Variants in NIPAL2 observed in about 807,000 individuals in gnomAD.
The protein encoded by NIPAL2 is NIPA like domain containing 2.
In NIPAL2, 43 loss-of-function variants were observed where a neutral mutation model predicts 48.9. The observed-to-expected ratio is 0.88, with a 90% CI of 0.69 to 1.13. The LOEUF is 1.13. Ranked by LOEUF, NIPAL2 falls within the 50% of genes most tolerant of loss-of-function variation. NIPAL2 has a pLI of 0.00. For synonymous variants in NIPAL2, 167 were observed against 174.6 expected, an observed-to-expected ratio of 0.96 and a Z score of 0.34; for missense variants, 446 against 461.4, an observed-to-expected ratio of 0.97 and a Z score of 0.31.
intron 4 of NIPAL2, among the ~76,000 whole-genome samples, chr8:98,234,189 G>A (rs557896190): frequency 2.4e-4 from 36 of 152,212 alleles, no homozygotes; most frequent in African/African-American, 8.4e-4. Context: ...TGTCAGCAAT[G>A]CTGATTCAGA....
At chr8:98,276,171 C>A (rs943069837) in intron 1 of NIPAL2, among the ~76,000 whole-genome samples, 2 of 152,072 alleles carry the variant, frequency 1.3e-5, no homozygotes, top group South Asian at 2.1e-4. Flanking sequence ...GGTAAATGTA[C>A]AATGACATGT....
chr8:98,254,184 A>G, intron 1 of NIPAL2, 97 bp from the exon 2 acceptor site: 1 of 933,028 alleles, frequency 1.1e-6, no homozygotes, highest in Non-Finnish European at 1.7e-6. Context: ...TCAGTAATTC[A>G]GCTTTAGCCT....
At chr8:98,280,792 A>AGAGAGAGAGAGAGAGAGAGAG (rs1815783724) in intron 1 of NIPAL2, among the ~76,000 whole-genome samples, 3 of 139,520 alleles carry the variant, frequency 2.2e-5, no homozygotes, top group Admixed American at 7.2e-5. Flanking sequence ...AGAGAGAGAG[A>AGAGAGAGAGAGAGAGAGAGAG]AAGCGAGAGA....
intron 1 of NIPAL2, among the ~76,000 whole-genome samples, chr8:98,266,414 C>A (rs1345481510): frequency 2.0e-5 from 3 of 151,826 alleles, no homozygotes. Context: ...CTAGCCTGGG[C>A]AACACAGTGA....
intron 1 of NIPAL2, among the ~76,000 whole-genome samples, chr8:98,271,599 T>C (rs1815130795): frequency 6.6e-6 from 1 of 151,956 alleles, no homozygotes; most frequent in Non-Finnish European, 1.5e-5. Flanking sequence ...TTTGGCAGAG[T>C]TGTTAGGGTT....
chr8:98,213,686 G>A (rs1811431755), intron 5 of NIPAL2, among the ~76,000 whole-genome samples: 1 of 151,986 alleles, frequency 6.6e-6, no homozygotes, highest in African/African-American at 2.4e-5. Flanking sequence ...CACTCTGCCT[G>A]GAATGCTCTT....
chr8:98,216,197 T>G (rs1811564773), intron 5 of NIPAL2, among the ~76,000 whole-genome samples: 2 of 152,216 alleles, frequency 1.3e-5, no homozygotes, highest in Non-Finnish European at 2.9e-5. Context: ...AGGCATTGAG[T>G]GAGGTGTATT....
At chr8:98,275,753 T>G (rs1563549024) in intron 1 of NIPAL2, among the ~76,000 whole-genome samples, 1 of 152,208 alleles carries the variant, frequency 6.6e-6, no homozygotes, top group Non-Finnish European at 1.5e-5. Context: ...CTAATTTATC[T>G]GCATTCTTGA....
intron 3 of NIPAL2, among the ~76,000 whole-genome samples, chr8:98,250,158 A>G (rs1309226695): frequency 6.6e-6 from 1 of 152,188 alleles, no homozygotes; most frequent in Non-Finnish European, 1.5e-5. Flanking sequence ...ATAGAAGAAA[A>G]ATCAGAAAAG....
intron 1 of NIPAL2, among the ~76,000 whole-genome samples, chr8:98,255,175 A>G (rs1290358519): frequency 6.6e-6 from 1 of 152,258 alleles, no homozygotes; most frequent in Admixed American, 6.5e-5. Context: ...AGAACTATAG[A>G]TGTTAAAAGG....
chr8:98,254,195 A>G, intron 1 of NIPAL2, 108 bp from the exon 2 acceptor site: 3 of 787,234 alleles, frequency 3.8e-6, no homozygotes, highest in Non-Finnish European at 6.0e-6. Flanking sequence ...GCTTTAGCCT[A>G]GCACCCATTT....
chr8:98,275,476 G>T (rs904089673), intron 1 of NIPAL2, among the ~76,000 whole-genome samples: 16 of 152,102 alleles, frequency 1.1e-4, no homozygotes, highest in Non-Finnish European at 1.5e-4. Context: ...GTATGGATAT[G>T]CCACAGTTTG....
intron 6 of NIPAL2, among the ~76,000 whole-genome samples, chr8:98,210,905 T>G (rs1811277743): frequency 6.6e-6 from 1 of 152,218 alleles, no homozygotes; most frequent in African/African-American, 2.4e-5. Context: ...AGATGAAAAT[T>G]TATGCATGTA....
rs1815516101 is a variant in NIPAL2, at chr8:98,277,111, A to G, written c.135+16892T>C. 3.3e-5 allele frequency among the ~76,000 whole-genome samples: 5 copies of G among 152,202 alleles called. 1 individual carries two copies. The highest frequency in any genetic ancestry group is 2.0e-4 in the Admixed American group (3 of 15,286). ...TTGCTCACCACTGTTCTTATTTTAA[A>G]TAACAGCTCTATTGAGATATAATTT... On this transcript the variant is annotated intron_variant, in intron 1 of 10. Coordinates refer to ENST00000430223, the MANE Select transcript of NIPAL2 (RefSeq NM_001321635.2).
intron 4 of NIPAL2, among the ~76,000 whole-genome samples, chr8:98,224,993 G>T (rs1317042922): frequency 6.6e-6 from 1 of 152,008 alleles, no homozygotes; most frequent in Non-Finnish European, 1.5e-5. Flanking sequence ...TTGACATCAG[G>T]TGATCTGCCC....
chr8:98,260,619 G>T (rs1431822003), intron 1 of NIPAL2, among the ~76,000 whole-genome samples: 2 of 152,206 alleles, frequency 1.3e-5, no homozygotes, highest in Non-Finnish European at 2.9e-5. Flanking sequence ...ACCTGGCTCG[G>T]AGGGTCCTAC....
rs112050012 is a variant in NIPAL2, at chr8:98,207,123, C to T, written c.656-1877G>A. 4.9e-4 allele frequency among the ~76,000 whole-genome samples: 74 copies of T among 152,274 alleles called. 1 individual carries two copies. Among genetic ancestry groups the T allele is most frequent in the Middle Eastern group, 3.4e-3 (1 of 294 alleles). On this transcript the variant is annotated intron_variant, in intron 6 of 10. Coordinates refer to ENST00000430223, the MANE Select transcript of NIPAL2 (RefSeq NM_001321635.2). ...TGGTCTGAACAGCCAGGTTTCCCAA[C>T]GGGACAATTAATGGAGAAGGAGTTG...
chr8:98,280,917 A>T (rs1419993326), intron 1 of NIPAL2, among the ~76,000 whole-genome samples: 1 of 151,704 alleles, frequency 6.6e-6, no homozygotes, highest in African/African-American at 2.4e-5. Context: ...AAGCTAAAAA[A>T]TTTTAAATAC....
At chr8:98,286,893 C>T (rs1051049313) in intron 1 of NIPAL2, among the ~76,000 whole-genome samples, 6 of 150,844 alleles carry the variant, frequency 4.0e-5, no homozygotes, top group African/African-American at 7.3e-5. Context: ...CATGGTGAGG[C>T]AAATGTGTAG....
Sources: allele counts gnomAD v4.1 joint callset (sites outside exome capture counted in the v4.1 genomes callset), GRCh38; gene constraint gnomAD v4.1.1; transcripts MANE v1.5; gene names NCBI Gene and HGNC (gene_info 2026-07-23, HGNC 2026-07-21).